Variants in CHD6 observed in about 807,000 individuals in gnomAD.
The protein encoded by CHD6 is ATP-dependent chromatin remodeler CHD6.
In CHD6, 50 loss-of-function variants were observed where a neutral mutation model predicts 276.9. That is an observed-to-expected ratio of 0.18 (90% CI 0.14 to 0.23). The LOEUF is 0.23. CHD6 is among the 10% of genes least tolerant of loss of function. CHD6 has a pLI of 1.00. For synonymous variants in CHD6, 1,173 were observed against 1,229.3 expected (o/e 0.95, Z 0.96); for missense variants, 2,564 against 3,365.8 (o/e 0.76, Z 5.89).
intron 36 of CHD6, among the ~76,000 whole-genome samples, chr20:41,411,120 C>T (rs1440067641): frequency 2.0e-5 from 3 of 152,088 alleles, no homozygotes; most frequent in African/African-American, 7.2e-5. Context: ...GACAAACTGT[C>T]TAGGGCCCAA....
At chr20:41,565,648 C>CCAAGTACAATAATTA (rs2045347044) in intron 1 of CHD6, among the ~76,000 whole-genome samples, 1 of 95,098 alleles carries the variant, frequency 1.1e-5, no homozygotes, top group Non-Finnish European at 1.9e-5. Flanking sequence ...ACATTGACTC[C>CCAAGTACAATAATTA]GAAGTACAAT....
intron 27 of CHD6, among the ~76,000 whole-genome samples, chr20:41,427,927 C>T (rs2047416573): frequency 6.6e-6 from 1 of 152,186 alleles, no homozygotes; most frequent in African/African-American, 2.4e-5. Flanking sequence ...AAGTGTAGTA[C>T]TTCCAGCTGA....
At chr20:41,609,629 T>C (rs139640309) in intron 1 of CHD6, among the ~76,000 whole-genome samples, 184 of 152,296 alleles carry the variant, frequency 1.2e-3, no homozygotes, top group African/African-American at 4.1e-3. Flanking sequence ...CCTTCCAATT[T>C]TAATGTTCTG....
intron 29 of CHD6, among the ~76,000 whole-genome samples, chr20:41,424,066 T>C (rs1482313358): frequency 2.2e-5 from 3 of 137,108 alleles, no homozygotes; most frequent in Non-Finnish European, 4.8e-5. Context: ...TGCTTAAATA[T>C]CTAGCCTTAT....
chr20:41,604,510 T>C (rs1399278490), intron 1 of CHD6, among the ~76,000 whole-genome samples: 1 of 152,166 alleles, frequency 6.6e-6, no homozygotes, highest in Admixed American at 6.5e-5. Context: ...TGTCTTAGAG[T>C]TGGCTATGAA....
intron 17 of CHD6, among the ~76,000 whole-genome samples, chr20:41,460,843 T>C (rs2048524431): frequency 6.6e-6 from 1 of 152,168 alleles, no homozygotes; most frequent in Non-Finnish European, 1.5e-5. Flanking sequence ...GGCACCATCC[T>C]CCAGACCCAG....
At chr20:41,426,065 C>T (rs771715123) in intron 28 of CHD6, 28 bp downstream of exon 28, 2 of 1,517,772 alleles carry the variant, frequency 1.3e-6, no homozygotes, top group East Asian at 2.2e-5. Flanking sequence ...CCTTACTTTC[C>T]TATGCCTTCA....
chr20:41,571,899 C>T (rs1021371584), intron 1 of CHD6, among the ~76,000 whole-genome samples: 2 of 152,218 alleles, frequency 1.3e-5, no homozygotes, highest in African/African-American at 2.4e-5. Context: ...AGAAACAGAA[C>T]ATTAGCACTA....
At chr20:41,588,532 A>G (rs2146254572) in intron 1 of CHD6, among the ~76,000 whole-genome samples, 1 of 152,322 alleles carries the variant, frequency 6.6e-6, no homozygotes, top group South Asian at 2.1e-4. Flanking sequence ...CATGCCCAAA[A>G]TGAAGAGGCA....
intron 19 of CHD6, 102 bp downstream of exon 19, chr20:41,455,698 G>T (rs865838399): frequency 2.1e-5 from 16 of 750,724 alleles, no homozygotes; most frequent in Non-Finnish European, 3.1e-5. Flanking sequence ...CAATTTCTAG[G>T]ATTTGCATTC....
intron 1 of CHD6, among the ~76,000 whole-genome samples, chr20:41,566,925 A>G (rs2045361593): frequency 6.6e-6 from 1 of 152,200 alleles, no homozygotes; most frequent in Admixed American, 6.5e-5. Flanking sequence ...AGCAAATAGC[A>G]TCATGAACAA....
intron 27 of CHD6, 146 bp from the exon 28 acceptor site, chr20:41,426,299 A>C (rs2047362554): frequency 4.3e-6 from 3 of 696,680 alleles, no homozygotes; most frequent in Non-Finnish European, 7.8e-6. Context: ...GACCTGATAA[A>C]GCTTACTTCT....
intron 2 of CHD6, among the ~76,000 whole-genome samples, chr20:41,546,350 C>T (rs1318632736): frequency 1.3e-5 from 2 of 152,094 alleles, no homozygotes; most frequent in Non-Finnish European, 2.9e-5. Flanking sequence ...GCAAGATTCT[C>T]CCGTAGTTAC....
At chr20:41,534,019 C>T (rs769547028) in intron 2 of CHD6, among the ~76,000 whole-genome samples, 1 of 152,130 alleles carries the variant, frequency 6.6e-6, no homozygotes. Flanking sequence ...TTTTGAGCAC[C>T]AACAAATAAA....
chr20:41,473,585 G>A lies in CHD6; in HGVS notation c.2469-68C>T, dbSNP rs1600950147. ...ACTTCAATGGAGAACAGCACAAAATGCAGGAAGCTGTCGACTGATGGCCTT... is the reference window on the plus strand; with the variant it reads ...ACTTCAATGGAGAACAGCACAAAATACAGGAAGCTGTCGACTGATGGCCTT... On this transcript the variant is annotated intron_variant, in intron 16 of 36. Coordinates refer to ENST00000373233, the MANE Select transcript of CHD6 (RefSeq NM_032221.5). The surrounding 1 kb of genome is among the most constrained non-coding windows in gnomAD (Gnocchi z 4.1). 6 of 1,327,140 alleles carry A rather than the reference G, an allele frequency of 4.5e-6. No individual in the cohort carries two copies. Among genetic ancestry groups the A allele is most frequent in the East Asian group, 4.6e-5 (2 of 43,158 alleles). 82.2% of individuals were successfully genotyped at this position (1,327,140 alleles called of 1,614,324 possible).
chr20:41,496,117 T>C (rs1415961258), intron 8 of CHD6, among the ~76,000 whole-genome samples: 1 of 152,236 alleles, frequency 6.6e-6, no homozygotes, highest in African/African-American at 2.4e-5. Context: ...AGGACTGTTC[T>C]ATTGGTGCAG....
At chr20:41,557,399 A>G (rs2045252006) in intron 1 of CHD6, among the ~76,000 whole-genome samples, 1 of 152,146 alleles carries the variant, frequency 6.6e-6, no homozygotes, top group African/African-American at 2.4e-5. Context: ...GAACATTTTG[A>G]AAGTTTTCTT....
chr20:41,610,215 T>G (rs1183324603), intron 1 of CHD6, among the ~76,000 whole-genome samples: 2 of 152,156 alleles, frequency 1.3e-5, no homozygotes, highest in African/African-American at 4.8e-5. Flanking sequence ...ATTTTCAATT[T>G]TGCAATAGAT....
chr20:41,457,378 A>G lies in CHD6; in HGVS notation c.2715T>C (p.Tyr905=), dbSNP rs1489471539. The change falls in exon 18 of 37, where the codon TAT becomes TAC. Residue 905 remains tyrosine (Y), a synonymous_variant. Transcript: ENST00000373233. ...RIGQSKAVKV[Y]RLITRNSYER... is the part of the protein sequence containing the mutation. ...CGTAGGAATTTCGAGTGATGAGGCG[A>G]TACACCTTCACAGCTTTGCTCTGGC... The G allele has an allele frequency of 6.2e-7, 1 of 1,614,080 alleles. No individual in the cohort carries two copies. The highest frequency in any genetic ancestry group is 1.7e-5 in the Admixed American group (1 of 60,014).
Sources: gnomAD v4.1 joint callset for allele counts (sites outside exome capture counted in the v4.1 genomes callset) on GRCh38, gnomAD v4.1.1 for gene constraint, Gnocchi (gnomAD v3.1) non-coding constraint, MANE v1.5 for transcripts, NCBI Gene and HGNC (gene_info 2026-07-23, HGNC 2026-07-21) for gene names.